COIL: variants seen among roughly 807,000 people sequenced by gnomAD.
COIL encodes the protein coilin p80.
In COIL, 28 loss-of-function variants were observed where a neutral mutation model predicts 51.6. That is an observed-to-expected ratio of 0.54 (90% CI 0.40 to 0.74). The LOEUF is 0.74. COIL is among the 30% of genes least tolerant of loss of function. The pLI is 0.00. For missense variants in COIL, 667 were observed against 685.9 expected, an observed-to-expected ratio of 0.97 and a Z score of 0.31; for synonymous variants, 233 against 255.8, an observed-to-expected ratio of 0.91 and a Z score of 0.85.
chr17:56,946,661 C>T (rs1377567695), intron 4 of COIL, 150 bp from the exon 5 acceptor site: 1 of 558,744 alleles, frequency 1.8e-6, no homozygotes, highest in African/African-American at 1.9e-5. Flanking sequence ...GAAATAAATC[C>T]ACATATAGAG....
chr17:56,944,068 T>C (rs1413950051), intron 5 of COIL, among the ~76,000 whole-genome samples: 1 of 151,312 alleles, frequency 6.6e-6, no homozygotes, highest in Non-Finnish European at 1.5e-5. Flanking sequence ...AGTCTCACTA[T>C]GCTGCCCAGG....
intron 5 of COIL, among the ~76,000 whole-genome samples, chr17:56,944,234 C>G (rs1910201740): frequency 6.6e-6 from 1 of 152,036 alleles, no homozygotes; most frequent in African/African-American, 2.4e-5. Context: ...TGACAGTGGA[C>G]AAACTTTTCT....
intron 2 of COIL, 52 bp downstream of exon 2, chr17:56,949,837 C>T: frequency 6.2e-7 from 1 of 1,611,376 alleles, no homozygotes; most frequent in Non-Finnish European, 8.5e-7. Flanking sequence ...ATGAACTCCA[C>T]ACACATTCTA....
At chr17:56,944,882 C>T (rs1300019552) in intron 5 of COIL, among the ~76,000 whole-genome samples, 2 of 150,720 alleles carry the variant, frequency 1.3e-5, no homozygotes, top group African/African-American at 2.4e-5. Flanking sequence ...CCGGGCATGG[C>T]GGCCAGCGCC....
intron 3 of COIL, 99 bp from the exon 4 acceptor site, chr17:56,949,533 C>T (rs1341986445): frequency 1.4e-6 from 2 of 1,424,148 alleles, no homozygotes; most frequent in South Asian, 1.2e-5. Flanking sequence ...CCACCCCGAC[C>T]AGTCTGGGAG....
chr17:56,941,909 A>G (rs1910155858), intron 6 of COIL, 126 bp downstream of exon 6: 1 of 745,588 alleles, frequency 1.3e-6, no homozygotes, highest in Non-Finnish European at 2.3e-6. Context: ...TGGCACTGGT[A>G]TTGCCACACC....
chr17:56,959,882 C>A (rs572149961), intron 1 of COIL, among the ~76,000 whole-genome samples: 4 of 152,336 alleles, frequency 2.6e-5, no homozygotes, highest in East Asian at 3.9e-4. Context: ...AAGTTTGATT[C>A]TCCTGTCATC....
At chr17:56,952,086 G>A (rs1227187374) in intron 1 of COIL, 15 of 362,198 alleles carry the variant, frequency 4.1e-5, no homozygotes, top group Non-Finnish European at 7.9e-5. Context: ...TGAGATTACA[G>A]GCATGAGCCA....
intron 1 of COIL, among the ~76,000 whole-genome samples, chr17:56,957,184 G>A (rs1037935956): frequency 2.0e-5 from 3 of 151,994 alleles, no homozygotes; most frequent in African/African-American, 4.8e-5. Context: ...GGAGTTCGAG[G>A]CTGTATAAGC....
At chr17:56,959,505 C>G (rs978784886) in intron 1 of COIL, among the ~76,000 whole-genome samples, 1 of 152,100 alleles carries the variant, frequency 6.6e-6, no homozygotes, top group Non-Finnish European at 1.5e-5. Context: ...TTTTTAACTT[C>G]CAAAAGCATA....
At chr17:56,947,772 T>C (rs1054056319) in intron 4 of COIL, among the ~76,000 whole-genome samples, 1 of 152,120 alleles carries the variant, frequency 6.6e-6, no homozygotes, top group Non-Finnish European at 1.5e-5. Context: ...TGCCTGGCCA[T>C]TAATAAGCAA....
In COIL at chr17:56,942,230, G is replaced by T. The variant is rs1174671284; in HGVS notation, c.1559-107C>A. 5 of 860,866 alleles carry T rather than the reference G, an allele frequency of 5.8e-6. No individual in the cohort carries two copies. In the East Asian group the frequency reaches 1.0e-4, roughly 18 times the overall value. 53.3% of individuals were successfully genotyped at this position (860,866 alleles called of 1,614,324 possible). On this transcript the variant is annotated intron_variant, in intron 5 of 6. Coordinates refer to ENST00000240316, the MANE Select transcript of COIL (RefSeq NM_004645.3). ...TTAAGAAAACAACCACAAACAAACT[G>T]TCAATTAATGTGAAGGCTGGGTATG...
intron 3 of COIL, 74 bp downstream of exon 3, chr17:56,949,607 A>C (rs1363670232): frequency 1.4e-6 from 2 of 1,463,972 alleles, no homozygotes; most frequent in Non-Finnish European, 1.9e-6. Context: ...AACACATTTA[A>C]CCTGATTTTC....
intron 4 of COIL, among the ~76,000 whole-genome samples, chr17:56,947,644 T>C (rs956297345): frequency 1.1e-4 from 17 of 152,146 alleles, no homozygotes; most frequent in African/African-American, 4.1e-4. Context: ...CTCATTTTTA[T>C]ATTTTTAGTA....
intron 1 of COIL, among the ~76,000 whole-genome samples, chr17:56,952,596 G>A (rs1910394592): frequency 6.6e-6 from 1 of 152,084 alleles, no homozygotes; most frequent in East Asian, 1.9e-4. Flanking sequence ...ACTGAGTAAG[G>A]GAGAATTCAT....
At chr17:56,955,096 GCT>G (rs1349598055) in intron 1 of COIL, among the ~76,000 whole-genome samples, 1 of 152,026 alleles carries the variant, frequency 6.6e-6, no homozygotes, top group Non-Finnish European at 1.5e-5. Context: ...ATGGAATTTT[GCT>G]CTGTCGCCCA....
In COIL at chr17:56,941,951, A is replaced by AGTG. The variant is rs1336775975; in HGVS notation, c.1647+81_1647+83dup. ...AGGTCAGATTCCCCCCAGGGCCTGT[A>AGTG]GTGCAATGTCACCTTCCAAACCACA... On this transcript the variant is annotated intron_variant, in intron 6 of 6. Transcript: ENST00000240316. 7.4e-6 allele frequency: 8 copies of AGTG among 1,078,288 alleles called. 1 individual carries two copies. Among genetic ancestry groups the AGTG allele is most frequent in the African/African-American group, 1.5e-5 (1 of 64,732 alleles). The allele number at this position is 1,078,288 out of a possible 1,614,324, so 66.8% of individuals were successfully genotyped here.
intron 5 of COIL, among the ~76,000 whole-genome samples, chr17:56,942,707 G>A (rs1210018928): frequency 6.6e-6 from 1 of 152,086 alleles, no homozygotes; most frequent in Non-Finnish European, 1.5e-5. Flanking sequence ...GTTGAGACAG[G>A]GTTTCACCAT....
intron 1 of COIL, among the ~76,000 whole-genome samples, chr17:56,959,850 C>A (rs574998369): frequency 1.3e-5 from 2 of 152,384 alleles, no homozygotes; most frequent in African/African-American, 2.4e-5. Flanking sequence ...CTGGCCCTGC[C>A]CTTAGGCATC....
Sources: gnomAD v4.1 joint callset for allele counts (sites outside exome capture counted in the v4.1 genomes callset) on GRCh38, gnomAD v4.1.1 for gene constraint, MANE v1.5 for transcripts, NCBI Gene and HGNC (gene_info 2026-07-23, HGNC 2026-07-21) for gene names.